PIGN: variants seen among roughly 807,000 people sequenced by gnomAD.
The protein encoded by PIGN is phosphatidylinositol glycan anchor biosynthesis class N, also known as GPI ethanolamine phosphate transferase 1.
PIGN carries 117 observed loss-of-function variants against 125.4 expected under a neutral mutation model. That is an observed-to-expected ratio of 0.93 (90% CI 0.80 to 1.09). The LOEUF (loss-of-function observed/expected upper bound fraction) is 1.09, where lower values mean the gene tolerates loss of function less well. Ranked by LOEUF, PIGN falls within the 50% of genes least tolerant of loss-of-function variation. The pLI is 0.00. For synonymous variants in PIGN, 392 were observed against 377.8 expected (o/e 1.04, Z -0.44); for missense variants, 1,075 against 1,094.9 (o/e 0.98, Z 0.26).
At chr18:62,054,475 CT>C (rs149265252) in intron 30 of PIGN, among the ~76,000 whole-genome samples, 4,243 of 141,668 alleles carry the variant, frequency 0.03, 212 homozygotes, top group African/African-American at 0.1. Context: ...CAACAAAATA[CT>C]TTTTTTTTTC....
intron 23 of PIGN, among the ~76,000 whole-genome samples, chr18:62,035,916 G>C (rs1481665784): frequency 6.6e-6 from 1 of 152,132 alleles, no homozygotes; most frequent in Non-Finnish European, 1.5e-5. Context: ...GCTTTTCTAG[G>C]GTGGTATGGT....
At chr18:62,108,206 T>G (rs2034728394) in intron 17 of PIGN, among the ~76,000 whole-genome samples, 1 of 152,212 alleles carries the variant, frequency 6.6e-6, no homozygotes, top group Admixed American at 6.5e-5. Flanking sequence ...CAGATGATTT[T>G]GTAAAATCAT....
chr18:62,146,014 C>T lies in PIGN; in HGVS notation c.817G>A (p.Ala273Thr). 3.3e-6 allele frequency: 5 copies of T among 1,536,344 alleles called. No homozygotes were observed. Among genetic ancestry groups the T allele is most frequent in the Non-Finnish European group, 4.4e-6 (5 of 1,124,666 alleles). Residue 273 changes from alanine to threonine, a missense_variant, in exon 10 of 31, where the codon GCT (alanine) becomes ACT (threonine). Coordinates refer to ENST00000640252, the MANE Select transcript of PIGN (RefSeq NM_176787.5). ...GTTAAAGTCTCTGAAGGATGACCAGCCCCATGGGAACCTACAAATAAGATA... is the reference window on the plus strand; with the variant it reads ...GTTAAAGTCTCTGAAGGATGACCAGTCCCATGGGAACCTACAAATAAGATA... Reference protein sequence around the residue: ...HGMTDWGSHGAGHPSETLTPL... With the variant: ...HGMTDWGSHGTGHPSETLTPL...
intron 24 of PIGN, among the ~76,000 whole-genome samples, chr18:62,089,426 C>G (rs1304242350): frequency 6.6e-6 from 1 of 152,110 alleles, no homozygotes; most frequent in Non-Finnish European, 1.5e-5. Flanking sequence ...GGTAGACTTT[C>G]CCCACTCCTA....
Position 62,082,682 on chromosome 18 carries a change from G to C in PIGN, c.2567C>G (p.Ser856Trp). 6.5e-7 allele frequency: 1 copy of C among 1,528,980 alleles called. No individual in the cohort carries two copies. The allele number at this position is 1,528,980 out of a possible 1,614,324, so 94.7% of individuals were successfully genotyped here. Reference sequence around the variant, plus strand: ...AACTAATTCATCTTACCTTTTTGACGATAACTGAGTAGTCAACTGAACTGC... The same window carrying C: ...AACTAATTCATCTTACCTTTTTGACCATAACTGAGTAGTCAACTGAACTGC... Reference protein sequence around the residue: ...FEAVQLTTQLSSKSLFLIVLV... With the variant: ...FEAVQLTTQLWSKSLFLIVLV... Residue 856 changes from serine to tryptophan, a missense_variant, in exon 28 of 31, where the codon TCG (serine) becomes TGG (tryptophan). Ser to Trp is a radical substitution (Grantham distance 177). This residue lies in a region of PIGN where 915 missense variants were observed against 908.7 expected (regional missense o/e 1.01). Transcript: ENST00000640252.
At chr18:62,160,650 G>GCCTCCCAGGTA (rs2036917046) in intron 4 of PIGN, among the ~76,000 whole-genome samples, 1 of 151,940 alleles carries the variant, frequency 6.6e-6, no homozygotes, top group African/African-American at 2.4e-5. Flanking sequence ...TAGGATTACA[G>GCCTCCCAGGTA]GCATGTGCCA....
At position 62,117,938 on chromosome 18, in the gene PIGN, C is replaced by T. The variant is rs145732919; in HGVS notation, c.1173-3299G>A. The stretch of plus-strand genomic sequence containing the variant: ...ATGAATAATATTGCAATATACAAGA[C>T]GCATCATGTATATATACCATATTTT... On this transcript the variant is annotated intron_variant, in intron 14 of 30. Coordinates refer to ENST00000640252, the MANE Select transcript of PIGN (RefSeq NM_176787.5). Among the ~76,000 whole-genome samples, 253 of 152,008 alleles carry T rather than the reference C, an allele frequency of 1.7e-3. 1 individual carries two copies. Among genetic ancestry groups the T allele is most frequent in the African/African-American group, 5.5e-3 (227 of 41,488 alleles).
chr18:62,111,982 G>C (rs999832035), intron 16 of PIGN, among the ~76,000 whole-genome samples: 1 of 152,092 alleles, frequency 6.6e-6, no homozygotes, highest in African/African-American at 2.4e-5. Flanking sequence ...AGATAAACAT[G>C]AAAAGGCACT....
At chr18:62,131,758 G>A (rs936242720) in intron 14 of PIGN, among the ~76,000 whole-genome samples, 1 of 151,862 alleles carries the variant, frequency 6.6e-6, no homozygotes, top group Non-Finnish European at 1.5e-5. Flanking sequence ...TTTTTCCTAC[G>A]TCCTGAAACA....
At chr18:62,063,109 T>C (rs1228694268) in intron 30 of PIGN, among the ~76,000 whole-genome samples, 1 of 151,616 alleles carries the variant, frequency 6.6e-6, no homozygotes, top group Admixed American at 6.6e-5. Flanking sequence ...ATAACAAAAA[T>C]GTGTCAAGCA....
In PIGN at chr18:62,146,014, C is replaced by A; in HGVS notation, c.817G>T (p.Ala273Ser). Residue 273 changes from alanine to serine, a missense_variant, in exon 10 of 31, where the codon GCT becomes TCT. Coordinates refer to ENST00000640252, the MANE Select transcript of PIGN (RefSeq NM_176787.5). Reference sequence around the variant, plus strand: ...GTTAAAGTCTCTGAAGGATGACCAGCCCCATGGGAACCTACAAATAAGATA... The same window carrying A: ...GTTAAAGTCTCTGAAGGATGACCAGACCCATGGGAACCTACAAATAAGATA... ...HGMTDWGSHG[A>S]GHPSETLTPL... 1 of 1,536,344 alleles carries A rather than the reference C, an allele frequency of 6.5e-7. No individual in the cohort carries two copies. Among genetic ancestry groups the A allele is most frequent in the South Asian group, 1.2e-5 (1 of 82,924 alleles).
chr18:62,057,350 T>A (rs1256029278), intron 30 of PIGN, among the ~76,000 whole-genome samples: 1 of 152,216 alleles, frequency 6.6e-6, no homozygotes, highest in Non-Finnish European at 1.5e-5. Context: ...TCCTAGTCAC[T>A]CAGTTACTCA....
At chr18:62,141,729 T>C (rs1192705449) in intron 11 of PIGN, among the ~76,000 whole-genome samples, 1 of 152,180 alleles carries the variant, frequency 6.6e-6, no homozygotes, top group South Asian at 2.1e-4. Flanking sequence ...TGTCACTCTC[T>C]AGGCTTCAAA....
chr18:62,147,124 A>G (rs764828235), intron 8 of PIGN, 23 bp from the exon 9 acceptor site: 1 of 1,571,298 alleles, frequency 6.4e-7, no homozygotes, highest in Admixed American at 1.9e-5. Context: ...AAACAGAGGA[A>G]CAAATTAAAT....
chr18:62,061,124 T>G (rs1961285716), intron 30 of PIGN, among the ~76,000 whole-genome samples: 1 of 152,160 alleles, frequency 6.6e-6, no homozygotes, highest in Admixed American at 6.5e-5. Flanking sequence ...TCAATTTCAG[T>G]TTGGTAAAAT....
At chr18:62,088,946 CCT>C in intron 24 of PIGN, 104 bp from the exon 25 acceptor site, 1 of 646,566 alleles carries the variant, frequency 1.5e-6, no homozygotes, top group Non-Finnish European at 2.8e-6. Context: ...AGAAACATGC[CCT>C]GTGCTGACAA....
intron 20 of PIGN, among the ~76,000 whole-genome samples, chr18:62,104,623 T>A (rs902069106): frequency 7.2e-5 from 11 of 152,196 alleles, no homozygotes; most frequent in Non-Finnish European, 2.9e-5. Context: ...TCCTGGTCTA[T>A]TGCATATTGG....
At chr18:62,033,593 T>G (rs540589630) in intron 23 of PIGN, among the ~76,000 whole-genome samples, 1 of 152,250 alleles carries the variant, frequency 6.6e-6, no homozygotes, top group East Asian at 1.9e-4. Context: ...AATTGAGTTC[T>G]GTATTTCATT....
chr18:62,185,386 T>C (rs917170592), intron 1 of PIGN, among the ~76,000 whole-genome samples: 6 of 152,224 alleles, frequency 3.9e-5, no homozygotes, highest in South Asian at 2.1e-4. Context: ...TAATGTCCTA[T>C]AAAAAAATAG....
Sources: gnomAD v4.1 joint callset for allele counts (sites outside exome capture counted in the v4.1 genomes callset) on GRCh38, gnomAD v4.1.1 for gene constraint, gnomAD v4.1.1 regional missense constraint, MANE v1.5 for transcripts, NCBI Gene and HGNC (gene_info 2026-07-23, HGNC 2026-07-21) for gene names.